SH2D4B: variants seen among roughly 807,000 people sequenced by gnomAD.
The protein encoded by SH2D4B is SH2 domain containing 4B, also known as SH2 domain-containing protein 4B.
In SH2D4B, 45 loss-of-function variants were observed where a neutral mutation model predicts 61.5. The observed-to-expected ratio is 0.73, with a 90% CI of 0.58 to 0.94. The LOEUF is 0.94. Ranked by LOEUF, SH2D4B falls within the 40% of genes least tolerant of loss-of-function variation. The pLI is 0.00. For missense variants in SH2D4B, 572 were observed against 574.2 expected (o/e 1.00, Z 0.04); for synonymous variants, 224 against 220.4 (o/e 1.02, Z -0.14).
At chr10:80,572,982 A>ATTTT (rs1247462135) in intron 3 of SH2D4B, among the ~76,000 whole-genome samples, 1 of 9,258 alleles carries the variant, frequency 1.1e-4, no homozygotes, top group African/African-American at 4.5e-4. Flanking sequence ...ATATATATAT[A>ATTTT]TATATTTTTT....
intron 1 of SH2D4B, among the ~76,000 whole-genome samples, chr10:80,544,587 G>C (rs1841642401): frequency 6.6e-6 from 1 of 152,240 alleles, no homozygotes; most frequent in Non-Finnish European, 1.5e-5. Flanking sequence ...GGCCCTCTTG[G>C]CTTCCGTGTG....
In SH2D4B at chr10:80,600,977, T is replaced by C. The variant is rs998886925; in HGVS notation, c.644-2602T>C. On this transcript the variant is annotated intron_variant, in intron 4 of 7. Transcript: ENST00000646907. Reference sequence around the variant, plus strand: ...ACCTTGTTGGAGCCTTTCGTCACAATACAAGGCTGGTATCATGGTGTTCTT... The same window carrying C: ...ACCTTGTTGGAGCCTTTCGTCACAACACAAGGCTGGTATCATGGTGTTCTT... 1.2e-4 allele frequency among the ~76,000 whole-genome samples: 18 copies of C among 152,258 alleles called. 1 individual carries two copies. The highest frequency in any genetic ancestry group is 3.6e-4 in the African/African-American group (15 of 41,548).
intron 1 of SH2D4B, among the ~76,000 whole-genome samples, chr10:80,541,972 C>T (rs1433243303): frequency 6.6e-6 from 1 of 152,144 alleles, no homozygotes; most frequent in African/African-American, 2.4e-5. Context: ...TGGCAAGAAC[C>T]CTCTGATGTT....
chr10:80,614,772 T>C (rs549786706), intron 6 of SH2D4B, among the ~76,000 whole-genome samples: 2 of 152,344 alleles, frequency 1.3e-5, no homozygotes, highest in Admixed American at 6.5e-5. Flanking sequence ...CAGGTTGTCA[T>C]GAACATTGGA....
intron 1 of SH2D4B, among the ~76,000 whole-genome samples, chr10:80,545,384 TCTC>T (rs1366192820): frequency 2.0e-5 from 3 of 151,756 alleles, no homozygotes; most frequent in South Asian, 2.1e-4. Flanking sequence ...TTCTTTTGCT[TCTC>T]CTCCTCCTCT....
At chr10:80,575,621 A>T (rs532508936) in intron 3 of SH2D4B, among the ~76,000 whole-genome samples, 3 of 152,030 alleles carry the variant, frequency 2.0e-5, no homozygotes, top group Non-Finnish European at 4.4e-5. Context: ...ACAATACAAA[A>T]TACTAAAAAA....
At chr10:80,642,909 A>G (rs905718837) in intron 7 of SH2D4B, 8 of 152,626 alleles carry the variant, frequency 5.2e-5, no homozygotes, top group African/African-American at 1.9e-4. Flanking sequence ...GTTTCCCCGC[A>G]CTGCTGCCAA....
intron 4 of SH2D4B, among the ~76,000 whole-genome samples, chr10:80,595,496 G>A (rs183909101): frequency 5.6e-4 from 85 of 152,280 alleles, no homozygotes; most frequent in Non-Finnish European, 9.3e-4. Flanking sequence ...CCCCGCTTCA[G>A]GGACCCCTCT....
chr10:80,597,702 C>G (rs1842400562), intron 4 of SH2D4B, among the ~76,000 whole-genome samples: 1 of 148,288 alleles, frequency 6.7e-6, no homozygotes, highest in South Asian at 2.1e-4. Flanking sequence ...AAATAAAATA[C>G]ACGGGGAGAG....
At chr10:80,558,959 T>C (rs986032506) in intron 1 of SH2D4B, among the ~76,000 whole-genome samples, 1 of 152,250 alleles carries the variant, frequency 6.6e-6, no homozygotes, top group Admixed American at 6.5e-5. Context: ...TTTATGCTTA[T>C]ATCTATAATT....
intron 1 of SH2D4B, among the ~76,000 whole-genome samples, chr10:80,559,276 A>G (rs1212598422): frequency 6.6e-6 from 1 of 152,134 alleles, no homozygotes; most frequent in Non-Finnish European, 1.5e-5. Flanking sequence ...TTCACATTAT[A>G]TCTTTTTTAC....
At chr10:80,610,802 C>T (rs551256556) in intron 6 of SH2D4B, among the ~76,000 whole-genome samples, 5 of 152,292 alleles carry the variant, frequency 3.3e-5, no homozygotes, top group African/African-American at 1.2e-4. Context: ...ATTTCTTACA[C>T]ATGTTACGTG....
At chr10:80,640,543 T>C (rs1840273360) in intron 7 of SH2D4B, among the ~76,000 whole-genome samples, 1 of 152,226 alleles carries the variant, frequency 6.6e-6, no homozygotes, top group African/African-American at 2.4e-5. Flanking sequence ...TAATTTGATC[T>C]TCAATCACTG....
chr10:80,609,364 C>G, intron 5 of SH2D4B, 60 bp from the exon 6 acceptor site: 1 of 1,534,880 alleles, frequency 6.5e-7, no homozygotes, highest in Non-Finnish European at 8.8e-7. Context: ...CTGCCTTCCT[C>G]TCCCTCCGCT....
intron 6 of SH2D4B, among the ~76,000 whole-genome samples, chr10:80,633,534 C>T (rs1842857396): frequency 6.6e-6 from 1 of 152,146 alleles, no homozygotes; most frequent in African/African-American, 2.4e-5. Flanking sequence ...CCTCCTCTTC[C>T]CACCTACTTG....
intron 6 of SH2D4B, among the ~76,000 whole-genome samples, chr10:80,621,313 C>T (rs1253511949): frequency 3.9e-5 from 6 of 152,210 alleles, no homozygotes; most frequent in Non-Finnish European, 7.3e-5. Context: ...TGAGAAACTA[C>T]GTCTATATTT....
intron 4 of SH2D4B, among the ~76,000 whole-genome samples, chr10:80,598,386 A>G (rs1299870043): frequency 6.6e-6 from 1 of 152,192 alleles, no homozygotes; most frequent in East Asian, 1.9e-4. Context: ...TTGATTGCTC[A>G]TTAATGTACG....
chr10:80,567,122 TC>T (rs1213378576), intron 1 of SH2D4B, among the ~76,000 whole-genome samples: 1 of 152,206 alleles, frequency 6.6e-6, no homozygotes, highest in Non-Finnish European at 1.5e-5. Flanking sequence ...CTGCTTTTTT[TC>T]CGTGAAATTC....
chr10:80,562,028 T>TACAC (rs150356380), intron 1 of SH2D4B, among the ~76,000 whole-genome samples: 4,451 of 144,460 alleles, frequency 0.031, 173 homozygotes, highest in African/African-American at 0.095. Context: ...CTCTTCCAAT[T>TACAC]ACACACACAC....
Sources: allele counts gnomAD v4.1 joint callset (sites outside exome capture counted in the v4.1 genomes callset), GRCh38; gene constraint gnomAD v4.1.1; transcripts MANE v1.5; gene names NCBI Gene and HGNC (gene_info 2026-07-23, HGNC 2026-07-21).